Variants in PAK5 observed in about 807,000 individuals in gnomAD.
PAK5 encodes the protein p21 (RAC1) activated kinase 5, also known as serine/threonine-protein kinase PAK 5.
A neutral mutation model predicts 65.9 loss-of-function variants in PAK5; 16 were observed. The ratio of observed to expected loss-of-function variants is 0.24; its 90% CI spans 0.16 to 0.37. The LOEUF (loss-of-function observed/expected upper bound fraction) is 0.37, where lower values mean the gene tolerates loss of function less well. Among genes scored for constraint, PAK5 ranks in the 10% least tolerant of loss-of-function variants. PAK5 has a pLI of 1.00. For synonymous variants in PAK5, 371 were observed against 354.9 expected, an observed-to-expected ratio of 1.05 and a Z score of -0.51; for missense variants, 785 against 903.9, an observed-to-expected ratio of 0.87 and a Z score of 1.69.
chr20:9,739,639 C>T (rs1258523379), intron 1 of PAK5, among the ~76,000 whole-genome samples: 1 of 151,994 alleles, frequency 6.6e-6, no homozygotes, highest in East Asian at 1.9e-4. Context: ...GTACCTCTGC[C>T]CCAACTTTTT....
intron 1 of PAK5, among the ~76,000 whole-genome samples, chr20:9,738,833 T>C (rs1312052744): frequency 6.6e-6 from 1 of 152,120 alleles, no homozygotes; most frequent in Non-Finnish European, 1.5e-5. Flanking sequence ...TGTGTGTGTG[T>C]GTGTGTGTGT....
Position 9,820,649 on chromosome 20 carries a change from C to T in PAK5, c.-162+18113G>A, listed in dbSNP as rs561156666. ...CCTCTTCCTTCCTGCCTCTTCCAGT[C>T]CAATGGGACAAAGAAGGAGAACAAA... is the stretch of plus-strand genomic sequence containing the variant. On this transcript the variant is annotated intron_variant, in intron 1 of 9. Transcript: ENST00000353224. Among the ~76,000 whole-genome samples the T allele has an allele frequency of 3.9e-5, 6 of 152,276 alleles. No homozygotes were observed. In the South Asian group the frequency reaches 1.2e-3, roughly 32 times the overall value.
chr20:9,557,098 T>C (rs1370065294), intron 7 of PAK5, among the ~76,000 whole-genome samples: 1 of 152,154 alleles, frequency 6.6e-6, no homozygotes, highest in Non-Finnish European at 1.5e-5. Context: ...AGGAGTAATG[T>C]TCCATTATAA....
intron 1 of PAK5, among the ~76,000 whole-genome samples, chr20:9,726,840 A>G (rs1238935862): frequency 6.6e-6 from 1 of 152,200 alleles, no homozygotes; most frequent in Non-Finnish European, 1.5e-5. Flanking sequence ...AAGAAAAAAA[A>G]GTATTAGCGA....
At chr20:9,698,132 C>T (rs2047893290) in intron 2 of PAK5, among the ~76,000 whole-genome samples, 1 of 152,000 alleles carries the variant, frequency 6.6e-6, no homozygotes, top group African/African-American at 2.4e-5. Context: ...TATCAGAATC[C>T]TCAATATAAT....
intron 9 of PAK5, 113 bp downstream of exon 9, chr20:9,542,473 G>T: frequency 9.5e-7 from 1 of 1,047,172 alleles, no homozygotes; most frequent in Non-Finnish European, 1.5e-6. Flanking sequence ...CAAAGTCCAT[G>T]CTCATAAACC....
At chr20:9,714,976 T>C (rs574062684) in intron 1 of PAK5, among the ~76,000 whole-genome samples, 230 of 152,274 alleles carry the variant, frequency 1.5e-3, no homozygotes, top group African/African-American at 5.4e-3. Context: ...ATTCAGGACA[T>C]AGGCATGGGC....
At chr20:9,549,799 A>C (rs1038565272) in intron 7 of PAK5, among the ~76,000 whole-genome samples, 6 of 152,178 alleles carry the variant, frequency 3.9e-5, no homozygotes, top group African/African-American at 1.4e-4. Flanking sequence ...GCTGAGCATG[A>C]GATCAATACA....
In PAK5 at chr20:9,745,285, T is replaced by A. The variant is rs569085425; in HGVS notation, c.-161-33850A>T. Among the ~76,000 whole-genome samples the A allele has an allele frequency of 5.0e-4, 75 of 151,510 alleles. No homozygotes were observed. In the Middle Eastern group the frequency reaches 0.014, roughly 27 times the overall value. On this transcript the variant is annotated intron_variant, in intron 1 of 9. Transcript: ENST00000353224. ...GCATTTATCTTTTTTTAATGTCATTTTTGCTGTGAGTGACACCACATCAAA... is the reference window on the plus strand; with the variant it reads ...GCATTTATCTTTTTTTAATGTCATTATTGCTGTGAGTGACACCACATCAAA...
chr20:9,771,482 C>A (rs1239056270), intron 1 of PAK5, among the ~76,000 whole-genome samples: 1 of 151,580 alleles, frequency 6.6e-6, no homozygotes, highest in South Asian at 2.1e-4. Flanking sequence ...AATCACTGCT[C>A]ACTGCAGCCT....
intron 1 of PAK5, among the ~76,000 whole-genome samples, chr20:9,837,297 T>C (rs1025922836): frequency 1.3e-5 from 2 of 152,190 alleles, no homozygotes; most frequent in Non-Finnish European, 2.9e-5. Context: ...TTAAATGCAT[T>C]TTCCTTATGT....
chr20:9,688,754 T>A (rs1353612341), intron 2 of PAK5, among the ~76,000 whole-genome samples: 1 of 151,890 alleles, frequency 6.6e-6, no homozygotes, highest in African/African-American at 2.4e-5. Context: ...GTTTCCCCAC[T>A]AGCAAAAAAA....
In PAK5 at chr20:9,709,211, G is replaced by A. The variant is rs9647038; in HGVS notation, c.-12+2075C>T. 9.3e-4 allele frequency among the ~76,000 whole-genome samples: 141 copies of A among 152,294 alleles called. 1 individual carries two copies. The highest frequency in any genetic ancestry group is 1.1e-3 in the Non-Finnish European group (72 of 68,014). ...CAAGACTAATCACAGAATGGCGTAT[G>A]TCATTTTTAGGTCTTCTTTGTTTTC... is the stretch of plus-strand genomic sequence containing the variant. On this transcript the variant is annotated intron_variant, in intron 2 of 9. Coordinates refer to ENST00000353224, the MANE Select transcript of PAK5 (RefSeq NM_177990.4).
chr20:9,756,632 T>C (rs1255730174), intron 1 of PAK5, among the ~76,000 whole-genome samples: 2 of 152,304 alleles, frequency 1.3e-5, no homozygotes, highest in East Asian at 1.9e-4. Context: ...GTTAAAATGG[T>C]ATTTTGGATG....
chr20:9,651,423 C>T (rs758234504), intron 2 of PAK5, among the ~76,000 whole-genome samples: 24 of 152,192 alleles, frequency 1.6e-4, no homozygotes, highest in Admixed American at 2.6e-4. Flanking sequence ...GGTAGAGGAG[C>T]AGCTACTTGA....
intron 3 of PAK5, among the ~76,000 whole-genome samples, chr20:9,622,848 T>C (rs1216602747): frequency 6.6e-6 from 1 of 152,138 alleles, no homozygotes; most frequent in Admixed American, 6.5e-5. Context: ...GCCAAAAAGG[T>C]TGGGGACTGC....
intron 3 of PAK5, among the ~76,000 whole-genome samples, chr20:9,632,805 G>A (rs144108065): frequency 1.7e-3 from 263 of 152,316 alleles, no homozygotes; most frequent in African/African-American, 6.1e-3. Context: ...ACTTAGCATC[G>A]TTTATGCACA....
chr20:9,792,329 G>C (rs1263546701), intron 1 of PAK5, among the ~76,000 whole-genome samples: 2 of 152,138 alleles, frequency 1.3e-5, no homozygotes, highest in Non-Finnish European at 2.9e-5. Flanking sequence ...TGCGGGAGAA[G>C]TTTGGTAATC....
intron 1 of PAK5, among the ~76,000 whole-genome samples, chr20:9,755,394 T>C (rs1188598247): frequency 2.6e-5 from 4 of 152,200 alleles, no homozygotes; most frequent in Admixed American, 6.5e-5. Context: ...ACTTAATTAA[T>C]AGAGAGATCA....
Sources: allele counts gnomAD v4.1 joint callset (sites outside exome capture counted in the v4.1 genomes callset), GRCh38; gene constraint gnomAD v4.1.1; transcripts MANE v1.5; gene names NCBI Gene and HGNC (gene_info 2026-07-23, HGNC 2026-07-21).